The following FNDC3B variants were observed in gnomAD, a reference collection of about 807,000 sequenced individuals.
The protein encoded by FNDC3B is fibronectin type III domain containing 3B.
In FNDC3B, 12 loss-of-function variants were observed where a neutral mutation model predicts 151.5. The ratio of observed to expected loss-of-function variants is 0.08; its 90% CI spans 0.05 to 0.13. FNDC3B has a LOEUF of 0.13. Ranked by LOEUF, FNDC3B falls within the 10% of genes least tolerant of loss-of-function variation. The pLI is 1.00. For missense variants in FNDC3B, 1,214 were observed against 1,505.3 expected, an observed-to-expected ratio of 0.81 and a Z score of 3.20; for synonymous variants, 528 against 549.0, an observed-to-expected ratio of 0.96 and a Z score of 0.54.
chr3:172,269,432 A>C (rs1318819203), intron 6 of FNDC3B, among the ~76,000 whole-genome samples: 4 of 142,040 alleles, frequency 2.8e-5, no homozygotes, highest in Non-Finnish European at 4.5e-5. Flanking sequence ...CTAATTAAAA[A>C]AAATTTTTTT....
At chr3:172,272,207 G>A (rs961914011) in intron 6 of FNDC3B, among the ~76,000 whole-genome samples, 2 of 152,208 alleles carry the variant, frequency 1.3e-5, no homozygotes, top group African/African-American at 4.8e-5. Context: ...CTATAAGAGA[G>A]TGGGGACTGG....
intron 24 of FNDC3B, among the ~76,000 whole-genome samples, chr3:172,380,654 A>G (rs1384647279): frequency 6.6e-6 from 1 of 152,246 alleles, no homozygotes; most frequent in Non-Finnish European, 1.5e-5. Context: ...CAGAATACCT[A>G]GGACAGGGCC....
chr3:172,273,776 A>G (rs915523018), intron 6 of FNDC3B, among the ~76,000 whole-genome samples: 52 of 152,224 alleles, frequency 3.4e-4, no homozygotes, highest in African/African-American at 1.1e-3. Context: ...AATGGCTGCT[A>G]AGGTGGAGTT....
intron 19 of FNDC3B, among the ~76,000 whole-genome samples, chr3:172,345,031 G>A (rs544301123): frequency 8.6e-5 from 13 of 152,016 alleles, no homozygotes; most frequent in Admixed American, 7.2e-4. Flanking sequence ...CAAATAAATA[G>A]AATTAATTAA....
chr3:172,334,393 C>G (rs1299055591), intron 14 of FNDC3B, among the ~76,000 whole-genome samples: 1 of 144,162 alleles, frequency 6.9e-6, no homozygotes, highest in Non-Finnish European at 1.5e-5. Context: ...TTTATCATGT[C>G]TTTTTGAAAG....
At chr3:172,160,977 A>G (rs1457490590) in intron 3 of FNDC3B, among the ~76,000 whole-genome samples, 1 of 152,252 alleles carries the variant, frequency 6.6e-6, no homozygotes, top group Non-Finnish European at 1.5e-5. Context: ...GAGAAACAGC[A>G]TAAGATTACC....
chr3:172,312,576 G>T (rs1731566103), intron 11 of FNDC3B, among the ~76,000 whole-genome samples: 1 of 151,142 alleles, frequency 6.6e-6, no homozygotes, highest in African/African-American at 2.4e-5. Flanking sequence ...CATGTCTCGA[G>T]GTTCACCAGT....
intron 2 of FNDC3B, among the ~76,000 whole-genome samples, chr3:172,124,035 G>A (rs974008826): frequency 1.3e-5 from 2 of 152,070 alleles, no homozygotes; most frequent in Non-Finnish European, 2.9e-5. Context: ...TTTTTAAAGT[G>A]GTTTACTCGG....
intron 3 of FNDC3B, among the ~76,000 whole-genome samples, chr3:172,197,024 T>C (rs1724870530): frequency 6.6e-6 from 1 of 151,760 alleles, no homozygotes; most frequent in Non-Finnish European, 1.5e-5. Flanking sequence ...TTACTAAAAA[T>C]ACAAAAATTA....
At chr3:172,129,460 A>G (rs1451540813) in intron 2 of FNDC3B, among the ~76,000 whole-genome samples, 4 of 152,224 alleles carry the variant, frequency 2.6e-5, no homozygotes, top group Non-Finnish European at 5.9e-5. Flanking sequence ...TTTAATGAGT[A>G]TAAAACAGAG....
chr3:172,132,307 A>T (rs978878398), intron 2 of FNDC3B, among the ~76,000 whole-genome samples: 12 of 152,330 alleles, frequency 7.9e-5, no homozygotes, highest in African/African-American at 2.6e-4. Context: ...CTGTAGGATG[A>T]ATGTGACACT....
chr3:172,053,989 A>G lies in FNDC3B; in HGVS notation c.-29+14218A>G, dbSNP rs1411547354. On this transcript the variant is annotated intron_variant, in intron 1 of 25. Transcript: ENST00000415807. ...ACAGTTGGTTAAGAAATGGTAGTGAAGCTTTACCTTATTCGGACACTTTAA... is the reference window on the plus strand; with the variant it reads ...ACAGTTGGTTAAGAAATGGTAGTGAGGCTTTACCTTATTCGGACACTTTAA... 2.0e-5 allele frequency among the ~76,000 whole-genome samples: 3 copies of G among 152,158 alleles called. No homozygotes were observed. The East Asian group carries it at 5.8e-4, about 29-fold the overall frequency.
Position 172,344,071 on chromosome 3 carries a change from A to T in FNDC3B, c.2078-15A>T, listed in dbSNP as rs1733480053. The T allele has an allele frequency of 6.2e-7, 1 of 1,600,062 alleles. No homozygotes were observed. The highest frequency in any genetic ancestry group is 8.5e-7 in the Non-Finnish European group (1 of 1,172,314). On this transcript the variant is annotated splice_polypyrimidine_tract_variant and intron_variant, in intron 18 of 25. Coordinates refer to ENST00000415807, the MANE Select transcript of FNDC3B (RefSeq NM_022763.4). ...CACAAAGTGTTCTAAGATGAAAAAA[A>T]TTCTTCATTCCCAGATGTTCCTGCA...
intron 1 of FNDC3B, among the ~76,000 whole-genome samples, chr3:172,093,173 GGCATAATCATA>G (rs1029115380): frequency 4.0e-5 from 6 of 151,630 alleles, no homozygotes; most frequent in African/African-American, 1.5e-4. Context: ...GAAGTGCAGG[GGCATAATCATA>G]GCTTACTACC....
At chr3:172,198,753 T>G (rs1001136576) in intron 3 of FNDC3B, among the ~76,000 whole-genome samples, 1 of 152,162 alleles carries the variant, frequency 6.6e-6, no homozygotes, top group Non-Finnish European at 1.5e-5. Context: ...ACTCCCCATA[T>G]CAAGCTGACC....
At chr3:172,225,275 GC>G (rs1028374490) in intron 3 of FNDC3B, among the ~76,000 whole-genome samples, 2 of 152,184 alleles carry the variant, frequency 1.3e-5, no homozygotes, top group African/African-American at 4.8e-5. Flanking sequence ...CTGGGCTCAA[GC>G]CATCCTCCCA....
intron 3 of FNDC3B, among the ~76,000 whole-genome samples, chr3:172,153,126 G>A (rs995374999): frequency 2.0e-5 from 3 of 152,120 alleles, no homozygotes; most frequent in Non-Finnish European, 2.9e-5. Context: ...GTCGGGCTTG[G>A]GAGCCAGAAA....
chr3:172,317,940 G>A (rs1472026125), intron 11 of FNDC3B, among the ~76,000 whole-genome samples: 1 of 152,186 alleles, frequency 6.6e-6, no homozygotes, highest in Non-Finnish European at 1.5e-5. Context: ...CACTTTGTGG[G>A]AATGTGACTA....
chr3:172,322,005 A>G (rs960548381), intron 11 of FNDC3B, among the ~76,000 whole-genome samples: 2 of 152,250 alleles, frequency 1.3e-5, no homozygotes, highest in Non-Finnish European at 2.9e-5. Flanking sequence ...GTAAAACTTC[A>G]TGCTATAAAC....
Sources: gnomAD v4.1 joint callset for allele counts (sites outside exome capture counted in the v4.1 genomes callset) on GRCh38, gnomAD v4.1.1 for gene constraint, MANE v1.5 for transcripts, NCBI Gene and HGNC (gene_info 2026-07-23, HGNC 2026-07-21) for gene names.